HERC2: variants seen among roughly 807,000 people sequenced by gnomAD.
The protein encoded by HERC2 is E3 ubiquitin-protein ligase HERC2.
A neutral mutation model predicts 537.7 loss-of-function variants in HERC2; 102 were observed. The observed-to-expected ratio is 0.19, with a 90% CI of 0.16 to 0.22. HERC2 has a LOEUF of 0.22. Ranked by LOEUF, HERC2 falls within the 10% of genes least tolerant of loss-of-function variation. HERC2 has a pLI of 1.00. For synonymous variants in HERC2, 2,224 were observed against 2,466.2 expected, an observed-to-expected ratio of 0.90 and a Z score of 2.91; for missense variants, 4,236 against 6,198.2, an observed-to-expected ratio of 0.68 and a Z score of 10.63.
intron 73 of HERC2, 34 bp downstream of exon 73, chr15:28,144,043 G>A: frequency 1.2e-6 from 2 of 1,614,152 alleles, no homozygotes; most frequent in African/African-American, 1.3e-5. Context: ...CTTCCAAGCA[G>A]GAAGACAGAT....
At chr15:28,197,150 G>C (rs1266501167) in intron 50 of HERC2, among the ~76,000 whole-genome samples, 1 of 152,176 alleles carries the variant, frequency 6.6e-6, no homozygotes, top group African/African-American at 2.4e-5. Context: ...AGAAGCTCTA[G>C]GAACCTCTCA....
At chr15:28,267,656 C>G (rs1053254932) in intron 12 of HERC2, among the ~76,000 whole-genome samples, 3 of 152,236 alleles carry the variant, frequency 2.0e-5, no homozygotes, top group African/African-American at 7.2e-5. Flanking sequence ...CCACACGATA[C>G]GCATTACTCT....
chr15:28,122,862 C>G lies in HERC2; in HGVS notation c.13188+1175G>C, dbSNP rs1301736944. 6.6e-6 allele frequency among the ~76,000 whole-genome samples: 1 copy of G among 152,148 alleles called. No individual in the cohort carries two copies. The highest frequency in any genetic ancestry group is 1.5e-5 in the Non-Finnish European group (1 of 68,034). On this transcript the variant is annotated intron_variant, in intron 85 of 92. Transcript: ENST00000261609. The surrounding 1 kb of genome is among the most constrained non-coding windows in gnomAD (Gnocchi z 4.1). Reference sequence around the variant, plus strand: ...CACACCAGCTCCCACCCATGCCCCGCTCACAGCCTGCACAACGCTCACACA... The same window carrying G: ...CACACCAGCTCCCACCCATGCCCCGGTCACAGCCTGCACAACGCTCACACA...
chr15:28,220,637 G>C lies in HERC2; in HGVS notation c.5660C>G (p.Pro1887Arg). The C allele has an allele frequency of 6.2e-7, 1 of 1,603,916 alleles. No homozygotes were observed. Among genetic ancestry groups the C allele is most frequent in the Non-Finnish European group, 8.5e-7 (1 of 1,179,800 alleles). ...VDWKWGDQDG[P>R]PPGLGRVIGE... ...AATCACGCGGCCTAGGCCTGGAGGA[G>C]GCCCATCCTGAGAAAGCCAAAGTAG... Residue 1887 changes from proline to arginine, a missense_variant, in exon 37 of 93, where the codon CCT becomes CGT. Transcript: ENST00000261609.
chr15:28,210,804 C>A lies in HERC2; in HGVS notation c.7069+198G>T, dbSNP rs543172589. On this transcript the variant is annotated intron_variant, in intron 44 of 92. Coordinates refer to ENST00000261609, the MANE Select transcript of HERC2 (RefSeq NM_004667.6). ...GAAAATACCTTTTTCCCTCCCCACC[C>A]ACCAGATGCCCTCAGTCTTGTCTTA... Among the ~76,000 whole-genome samples, 194 of 152,212 alleles carry A rather than the reference C, an allele frequency of 1.3e-3. 1 individual carries two copies. Among genetic ancestry groups the A allele is most frequent in the African/African-American group, 4.4e-3 (181 of 41,484 alleles).
At chr15:28,290,438 C>G (rs999851422) in intron 4 of HERC2, among the ~76,000 whole-genome samples, 5 of 152,124 alleles carry the variant, frequency 3.3e-5, no homozygotes, top group African/African-American at 1.2e-4. Flanking sequence ...CCATGTTGGC[C>G]AGGCTGGTCT....
rs371325151 is a variant in HERC2, at chr15:28,198,387, C to A, written c.8002G>T (p.Val2668Phe). 17 of 1,611,916 alleles carry A rather than the reference C, an allele frequency of 1.1e-5. No homozygotes were observed. In the Admixed American group the frequency reaches 2.5e-4, roughly 24 times the overall value. The change falls in exon 50 of 93, where the codon GTT becomes TTT. Residue 2668 changes from valine to phenylalanine, a missense_variant. Around this residue, in one of 27 missense-constraint regions of HERC2, gnomAD observed 606 missense variants for 884.5 expected, o/e 0.69. Coordinates refer to ENST00000261609, the MANE Select transcript of HERC2 (RefSeq NM_004667.6). ...WGSVTHQSVGVVKAFSANGKD... is the reference protein window; with the variant it reads ...WGSVTHQSVGFVKAFSANGKD... ...ACCCAGATAATATTACCTTTCACAA[C>A]CCCCACACTCTGATGAGTCACAGAT...
At chr15:28,202,060 A>T in intron 47 of HERC2, 53 bp downstream of exon 47, 1 of 952,686 alleles carries the variant, frequency 1.0e-6, no homozygotes, top group South Asian at 1.5e-5. Flanking sequence ...AGACTGTTAG[A>T]GCGCTAGACG....
chr15:28,225,435 C>T (rs34800540), intron 35 of HERC2, among the ~76,000 whole-genome samples: 32 of 152,140 alleles, frequency 2.1e-4, no homozygotes, highest in Middle Eastern at 3.4e-3. Flanking sequence ...AGGTGGCTCA[C>T]GCCTGTAATC....
intron 1 of HERC2, among the ~76,000 whole-genome samples, chr15:28,321,844 C>A (rs1454711475): frequency 6.9e-6 from 1 of 145,420 alleles, no homozygotes; most frequent in Non-Finnish European, 1.5e-5. Context: ...CTTTACCCCA[C>A]AGCAGGGCGC....
intron 2 of HERC2, among the ~76,000 whole-genome samples, chr15:28,317,857 T>C: frequency 6.6e-6 from 1 of 152,236 alleles, no homozygotes; most frequent in East Asian, 1.9e-4. Context: ...AAATATACAG[T>C]GACCTCTCTA....
At chr15:28,230,840 A>G (rs2140611823) in intron 30 of HERC2, among the ~76,000 whole-genome samples, 1 of 152,224 alleles carries the variant, frequency 6.6e-6, no homozygotes, top group African/African-American at 2.4e-5. Context: ...AAGTAACCAC[A>G]GATAAAGCAA....
intron 45 of HERC2, among the ~76,000 whole-genome samples, chr15:28,205,318 C>T (rs1451462932): frequency 3.0e-5 from 2 of 67,484 alleles, no homozygotes; most frequent in African/African-American, 1.3e-4. Context: ...TTCTTTTGAT[C>T]TCTGCCAGGG....
chr15:28,123,712 G>A (rs6497273), intron 85 of HERC2, among the ~76,000 whole-genome samples: 11,829 of 152,216 alleles, frequency 0.078, 1,582 homozygotes, highest in African/African-American at 0.27. Flanking sequence ...GGCCAGGCAG[G>A]CAGAGAAGGA....
At chr15:28,227,935 T>C (rs1901392821) in intron 35 of HERC2, among the ~76,000 whole-genome samples, 1 of 152,060 alleles carries the variant, frequency 6.6e-6, no homozygotes. Context: ...AGCAGATTTG[T>C]GACTACCAGG....
At chr15:28,189,483 T>C (rs1423089601) in intron 55 of HERC2, among the ~76,000 whole-genome samples, 6 of 152,348 alleles carry the variant, frequency 3.9e-5, no homozygotes, top group African/African-American at 1.4e-4. Context: ...TCAAGATTAA[T>C]TTTTTCAGAT....
At chr15:28,200,763 A>C (rs953746519) in intron 48 of HERC2, among the ~76,000 whole-genome samples, 1 of 148,036 alleles carries the variant, frequency 6.8e-6, no homozygotes, top group African/African-American at 2.5e-5. Flanking sequence ...TTGTTAGGTA[A>C]TGCTGGTAAA....
rs1897333831 is a variant in HERC2, at chr15:28,196,265, T to C, written c.8210A>G (p.Lys2737Arg). 2.7e-6 allele frequency: 4 copies of C among 1,464,234 alleles called. No individual in the cohort carries two copies. In the African/African-American group the frequency reaches 4.2e-5, roughly 15 times the overall value. The allele number at this position is 1,464,234 out of a possible 1,614,324, so 90.7% of individuals were successfully genotyped here. A position where few individuals can be genotyped will look rare whatever the true frequency, so the allele number is the denominator to read the frequency against. Reference protein sequence around the residue: ...DDFDFCETCFKTKKHNTRHTF... With the variant: ...DDFDFCETCFRTKKHNTRHTF... Reference sequence around the variant, plus strand: ...ATGCCTGGTATTGTGTTTTTTGGTCTTGAAACACGTTTCACAAAAATCAAA... The same window carrying C: ...ATGCCTGGTATTGTGTTTTTTGGTCCTGAAACACGTTTCACAAAAATCAAA... Residue 2737 changes from lysine to arginine, a missense_variant, in exon 52 of 93, where the codon AAG (lysine) becomes AGG (arginine). Transcript: ENST00000261609.
At chr15:28,269,466 T>C (rs2075660158) in intron 10 of HERC2, 30 bp from the exon 11 acceptor site, 1 of 1,545,230 alleles carries the variant, frequency 6.5e-7, no homozygotes. Context: ...ACATTTCCTT[T>C]AACAACAACA....
Sources: allele counts gnomAD v4.1 joint callset (sites outside exome capture counted in the v4.1 genomes callset), GRCh38; gene constraint gnomAD v4.1.1; regional missense constraint gnomAD v4.1.1; non-coding constraint Gnocchi (gnomAD v3.1); transcripts MANE v1.5; gene names NCBI Gene and HGNC (gene_info 2026-07-23, HGNC 2026-07-21).